ADAMTSL1: variants seen among roughly 807,000 people sequenced by gnomAD.
The protein encoded by ADAMTSL1 is ADAMTS-like protein 1.
In ADAMTSL1, 126 loss-of-function variants were observed where a neutral mutation model predicts 201.8. That is an observed-to-expected ratio of 0.62 (90% CI 0.54 to 0.72). The LOEUF is 0.72. Ranked by LOEUF, ADAMTSL1 falls within the 30% of genes least tolerant of loss-of-function variation. ADAMTSL1 has a pLI of 0.00. For synonymous variants in ADAMTSL1, 1,121 were observed against 903.4 expected (o/e 1.24, Z -4.32); for missense variants, 2,679 against 2,277.8 (o/e 1.18, Z -3.59).
chr9:18,554,503 A>C (rs1820989413), intron 3 of ADAMTSL1, among the ~76,000 whole-genome samples: 1 of 151,804 alleles, frequency 6.6e-6, no homozygotes, highest in Non-Finnish European at 1.5e-5. Flanking sequence ...TGCGAATCCA[A>C]GACCACTTTA....
intron 1 of ADAMTSL1, among the ~76,000 whole-genome samples, chr9:18,130,361 T>C (rs1322475219): frequency 6.6e-6 from 1 of 152,220 alleles, no homozygotes. Context: ...TGTAAATTAA[T>C]ATTTAATAAG....
At chr9:17,979,854 C>T (rs1202940594) in intron 1 of ADAMTSL1, among the ~76,000 whole-genome samples, 1 of 152,060 alleles carries the variant, frequency 6.6e-6, no homozygotes, top group Admixed American at 6.6e-5. Flanking sequence ...ATGCCTACTG[C>T]CAGAGTCCTT....
chr9:18,264,205 C>A (rs555141003), intron 2 of ADAMTSL1, among the ~76,000 whole-genome samples: 1 of 152,046 alleles, frequency 6.6e-6, no homozygotes, highest in East Asian at 1.9e-4. Flanking sequence ...TATTAAAGTC[C>A]TAATAATTTT....
chr9:17,906,926 G>A (rs1238446331), intron 1 of ADAMTSL1: 1 of 152,270 alleles, frequency 6.6e-6, no homozygotes, highest in Non-Finnish European at 1.5e-5. Flanking sequence ...CGGACAGGTA[G>A]GGTAGCCTGT....
chr9:18,409,651 A>G (rs1036840851), intron 2 of ADAMTSL1, among the ~76,000 whole-genome samples: 10 of 150,696 alleles, frequency 6.6e-5, no homozygotes, highest in Non-Finnish European at 1.3e-4. Context: ...TCCTAGTTCT[A>G]TTATTCCCAG....
chr9:18,012,577 T>C (rs962405302), intron 1 of ADAMTSL1, among the ~76,000 whole-genome samples: 11 of 151,950 alleles, frequency 7.2e-5, no homozygotes, highest in Admixed American at 2.6e-4. Context: ...TTTAAAAGCA[T>C]GAGGGAAGAG....
intron 1 of ADAMTSL1, among the ~76,000 whole-genome samples, chr9:17,996,952 C>A (rs1265136451): frequency 6.6e-6 from 1 of 152,154 alleles, no homozygotes; most frequent in African/African-American, 2.4e-5. Context: ...CTGGAGATAA[C>A]AGCTTAGGTT....
At chr9:18,614,766 T>A (rs1825596348) in intron 4 of ADAMTSL1, among the ~76,000 whole-genome samples, 1 of 152,130 alleles carries the variant, frequency 6.6e-6, no homozygotes, top group African/African-American at 2.4e-5. Context: ...TTATGCTCAG[T>A]TGATTTGGTC....
intron 8 of ADAMTSL1, among the ~76,000 whole-genome samples, chr9:18,658,436 A>G (rs2132991770): frequency 6.6e-6 from 1 of 152,330 alleles, no homozygotes; most frequent in South Asian, 2.1e-4. Context: ...TCAATTAAAG[A>G]GTGTTTATCA....
chr9:18,090,946 G>C (rs10810899), intron 1 of ADAMTSL1, among the ~76,000 whole-genome samples: 87,129 of 151,354 alleles, frequency 0.58, 25,581 homozygotes, highest in African/African-American at 0.7. Flanking sequence ...ATGGAACACT[G>C]TTCATGTAGC....
chr9:18,559,997 T>C (rs1284297380), intron 3 of ADAMTSL1, among the ~76,000 whole-genome samples: 1 of 152,194 alleles, frequency 6.6e-6, no homozygotes, highest in Admixed American at 6.5e-5. Flanking sequence ...GTATACCCTT[T>C]ATTTCTTTCT....
chr9:17,952,107 G>GTTTC (rs1456912418), intron 1 of ADAMTSL1, among the ~76,000 whole-genome samples: 1 of 150,254 alleles, frequency 6.7e-6, no homozygotes, highest in Non-Finnish European at 1.5e-5. Context: ...TGGCTAATTG[G>GTTTC]TTTCTTTCTT....
intron 1 of ADAMTSL1, among the ~76,000 whole-genome samples, chr9:17,938,470 A>G (rs1827102121): frequency 1.3e-5 from 2 of 152,140 alleles, no homozygotes; most frequent in African/African-American, 4.8e-5. Flanking sequence ...GTGCGATGTC[A>G]TCTCCATGAC....
intron 2 of ADAMTSL1, among the ~76,000 whole-genome samples, chr9:18,242,500 C>T (rs1831109524): frequency 6.6e-6 from 1 of 151,978 alleles, no homozygotes; most frequent in South Asian, 2.1e-4. Flanking sequence ...AGTGTTAGAA[C>T]TATTAGCAAG....
chr9:18,367,432 A>G (rs1444809637), intron 2 of ADAMTSL1, among the ~76,000 whole-genome samples: 1 of 151,918 alleles, frequency 6.6e-6, no homozygotes, highest in Non-Finnish European at 1.5e-5. Context: ...GAATTATGGC[A>G]TGAAAATATC....
At position 18,220,501 on chromosome 9, in the gene ADAMTSL1, A is replaced by G. The variant is rs984958861; in HGVS notation, c.207+56520A>G. Among the ~76,000 whole-genome samples the G allele has an allele frequency of 9.9e-5, 15 of 152,230 alleles. 1 individual carries two copies. The highest frequency in any genetic ancestry group is 7.8e-4 in the Admixed American group (12 of 15,296). The stretch of plus-strand genomic sequence containing the variant: ...TTTCAATACCTTCATCTTTAGTGTC[A>G]GTATGTGTTTCTCTTCTAAACACCA... On this transcript the variant is annotated intron_variant, in intron 2 of 29. Coordinates refer to the ADAMTSL1 transcript ENST00000680146.
rs548405290 is a variant in ADAMTSL1, at chr9:18,140,489, C to G, written c.88-23373C>G. ...TTTCTCCAGCAACAAGTTGGACACA[C>G]ATGTGTGAAATGTTGCCTACCAGGG... On this transcript the variant is annotated intron_variant, in intron 1 of 29. Coordinates refer to the ADAMTSL1 transcript ENST00000680146. Among the ~76,000 whole-genome samples, 3 of 152,312 alleles carry G rather than the reference C, an allele frequency of 2.0e-5. No homozygotes were observed. The South Asian group carries it at 6.2e-4, about 32-fold the overall frequency.
chr9:17,906,913 C>T (rs988608837), exon 1 of ADAMTSL1: 2 of 152,272 alleles, frequency 1.3e-5, no homozygotes, highest in African/African-American at 4.8e-5. Context: ...TGCTCTGTAT[C>T]GCCGGACAGG....
intron 2 of ADAMTSL1, among the ~76,000 whole-genome samples, chr9:18,260,148 G>C (rs566954076): frequency 1.3e-5 from 2 of 152,318 alleles, no homozygotes; most frequent in African/African-American, 4.8e-5. Context: ...CAGCTTTCCA[G>C]CTAGCAATGT....
Sources: allele counts gnomAD v4.1 joint callset (sites outside exome capture counted in the v4.1 genomes callset), GRCh38; gene constraint gnomAD v4.1.1; transcripts MANE v1.5; gene names NCBI Gene and HGNC (gene_info 2026-07-23, HGNC 2026-07-21).